The following PAX9 variants were observed in gnomAD, a reference collection of about 807,000 sequenced individuals.
PAX9 encodes paired box protein Pax-9.
A neutral mutation model predicts 29.1 loss-of-function variants in PAX9; 6 were observed. The observed-to-expected ratio is 0.21, with a 90% CI of 0.11 to 0.41. PAX9 has a LOEUF of 0.41. Among genes scored for constraint, PAX9 ranks in the 10% least tolerant of loss-of-function variants. The probability of loss-of-function intolerance (pLI) is 1.00; values close to 1 mark genes in which losing one functional copy is unlikely to be tolerated. For missense variants in PAX9, 443 were observed against 479.1 expected (o/e 0.92, Z 0.70); for synonymous variants, 217 against 211.7 (o/e 1.03, Z -0.22).
intron 3 of PAX9, chr14:36,672,235 C>T (rs1184228036): frequency 6.6e-6 from 1 of 152,084 alleles, no homozygotes; most frequent in African/African-American, 2.4e-5. Flanking sequence ...ATTTACAATC[C>T]AATTAAATAG....
intron 3 of PAX9, chr14:36,672,009 C>T (rs1881706311): frequency 6.6e-6 from 1 of 152,130 alleles, no homozygotes; most frequent in Admixed American, 6.5e-5. Context: ...AGAGAGCACC[C>T]TTGCACAGTT....
Position 36,678,275 on chromosome 14 carries a change from A to T in PAX9, c.*1823A>T. The T allele has an allele frequency of 1.8e-6, 1 of 569,140 alleles. No homozygotes were observed. Among genetic ancestry groups the T allele is most frequent in the South Asian group, 2.4e-5 (1 of 41,382 alleles). The allele number at this position is 569,140 out of a possible 1,614,324, so 35.3% of individuals were successfully genotyped here. On this transcript the variant is annotated 3_prime_UTR_variant, in exon 4 of 4. Coordinates refer to ENST00000361487, the MANE Select transcript of PAX9 (RefSeq NM_001372076.1). Reference sequence around the variant, plus strand: ...ACAGTAAGCAGATTTCTGACACACAAATTATGTTAGAGTGACTGCTTTTTT... The same window carrying T: ...ACAGTAAGCAGATTTCTGACACACATATTATGTTAGAGTGACTGCTTTTTT...
rs535014880 is a variant in PAX9, at chr14:36,669,604, C to T, written c.771+3003C>T. On this transcript the variant is annotated intron_variant, in intron 3 of 3. Coordinates refer to ENST00000361487, the MANE Select transcript of PAX9 (RefSeq NM_001372076.1). ...TTTCTTGAGGACATCTGTAGAATTA[C>T]CAAAGGGCTAAACTATGCAACTGAG... 5.9e-5 allele frequency among the ~76,000 whole-genome samples: 9 copies of T among 152,152 alleles called. 1 individual carries two copies. In the East Asian group the frequency reaches 1.2e-3, roughly 20 times the overall value.
chr14:36,679,143 A>AGAAT lies in PAX9; in HGVS notation c.*2693_*2696dup, dbSNP rs1488381103. On this transcript the variant is annotated 3_prime_UTR_variant, in exon 4 of 4. Coordinates refer to ENST00000361487, the MANE Select transcript of PAX9 (RefSeq NM_001372076.1). ...ATGTAAGAATATTACCTGCAAGGAT[A>AGAAT]GAATGCAGTTGTGCAACAGAGACAC... 3.5e-5 allele frequency: 34 copies of AGAAT among 985,324 alleles called. No individual in the cohort carries two copies. The highest frequency in any genetic ancestry group is 3.9e-5 in the Non-Finnish European group (32 of 829,938). The allele number at this position is 985,324 out of a possible 1,614,324, so 61.0% of individuals were successfully genotyped here.
upstream of PAX9, among the ~76,000 whole-genome samples, chr14:36,659,831 T>G (rs939927010): frequency 3.3e-5 from 5 of 152,166 alleles, no homozygotes; most frequent in African/African-American, 1.2e-4. Context: ...TAACCAGAGC[T>G]CTAAACCATA....
Position 36,676,780 on chromosome 14 carries a change from T to A in PAX9, c.*328T>A, listed in dbSNP as rs886050493. ...GGGTTTAAGGAACTTTACAAACTAG[T>A]CTTTGGTAAAACCACATGTGTATAT... On this transcript the variant is annotated 3_prime_UTR_variant, in exon 4 of 4. Transcript: ENST00000361487. 3 of 362,982 alleles carry A rather than the reference T, an allele frequency of 8.3e-6. No individual in the cohort carries two copies. The highest frequency in any genetic ancestry group is 1.6e-5 in the Non-Finnish European group (3 of 191,738). 22.5% of individuals were successfully genotyped at this position (362,982 alleles called of 1,614,324 possible). A position where few individuals can be genotyped will look rare whatever the true frequency, so the allele number is the denominator to read the frequency against.
Position 36,666,446 on chromosome 14 carries a change from C to G in PAX9, c.632-16C>G, listed in dbSNP as rs1225076456. The G allele has an allele frequency of 1.2e-6, 2 of 1,609,220 alleles. No individual in the cohort carries two copies. Among genetic ancestry groups the G allele is most frequent in the Admixed American group, 1.7e-5 (1 of 59,726 alleles). The stretch of plus-strand genomic sequence containing the variant: ...GGCTGGGCCTCCGGCCTGACACCCT[C>G]TCTTCTCTCCATCAGTGAGCGACAG... On this transcript the variant is annotated splice_polypyrimidine_tract_variant and intron_variant, in intron 2 of 3. Coordinates refer to ENST00000361487, the MANE Select transcript of PAX9 (RefSeq NM_001372076.1).
At chr14:36,662,353 G>T (rs1287735370) in intron 1 of PAX9, among the ~76,000 whole-genome samples, 1 of 152,168 alleles carries the variant, frequency 6.6e-6, no homozygotes, top group Non-Finnish European at 1.5e-5. Flanking sequence ...GCATCAGCGA[G>T]CCCCTCAGCC....
In PAX9 at chr14:36,678,581, T is replaced by TGTCA; in HGVS notation, c.*2130_*2133dup. 1.3e-6 allele frequency: 2 copies of TGTCA among 1,517,234 alleles called. No individual in the cohort carries two copies. The highest frequency in any genetic ancestry group is 1.8e-6 in the Non-Finnish European group (2 of 1,137,634). The allele number at this position is 1,517,234 out of a possible 1,614,324, so 94.0% of individuals were successfully genotyped here. On this transcript the variant is annotated 3_prime_UTR_variant, in exon 4 of 4. Transcript: ENST00000361487. ...AAACCATACCATACAGGGACTCTCC[T>TGTCA]GTCATCTGAAAAACTGATGTAAGGT...
chr14:36,668,413 G>A (rs573865596), intron 3 of PAX9, among the ~76,000 whole-genome samples: 1 of 151,580 alleles, frequency 6.6e-6, no homozygotes, highest in South Asian at 2.1e-4. Context: ...ATTTTGAGAC[G>A]GAGTCTAGCT....
rs181408965 is a variant in PAX9, at chr14:36,676,512, C to A, written c.*60C>A. The A allele has an allele frequency of 3.8e-6, 6 of 1,591,746 alleles. No homozygotes were observed. The highest frequency in any genetic ancestry group is 2.7e-5 in the African/African-American group (2 of 74,682). ...CTCCCTGTCTCAGCACCTCCTCCCCCAATTCCCAGGTCTCACATCCCACCC... is the reference window on the plus strand; with the variant it reads ...CTCCCTGTCTCAGCACCTCCTCCCCAAATTCCCAGGTCTCACATCCCACCC... On this transcript the variant is annotated 3_prime_UTR_variant, in exon 4 of 4. Transcript: ENST00000361487.
At chr14:36,663,757 T>TA (rs1881382519) in intron 2 of PAX9, among the ~76,000 whole-genome samples, 1 of 152,088 alleles carries the variant, frequency 6.6e-6, no homozygotes, top group East Asian at 1.9e-4. Context: ...ACCAGACCCA[T>TA]AACATCCCCC....
chr14:36,676,287 G>T lies in PAX9; in HGVS notation c.861G>T (p.Met287Ile). 6.2e-7 allele frequency: 1 copy of T among 1,614,178 alleles called. No homozygotes were observed. Among genetic ancestry groups the T allele is most frequent in the Non-Finnish European group, 8.5e-7 (1 of 1,180,038 alleles). The change falls in exon 4 of 4, where the codon ATG becomes ATT. Residue 287 changes from methionine (M) to isoleucine (I), a missense_variant. Coordinates refer to ENST00000361487, the MANE Select transcript of PAX9 (RefSeq NM_001372076.1). ...YPTPAQVSPY[M>I]TYSAAPSGYV... ...CCCCAGCCCAAGTGTCGCCTTACAT[G>T]ACCTACAGTGCTGCTCCTTCTGGTT...
In PAX9 at chr14:36,674,946, G is replaced by T. The variant is rs140799474; in HGVS notation, c.772-1252G>T. On this transcript the variant is annotated intron_variant, in intron 3 of 3. Coordinates refer to ENST00000361487, the MANE Select transcript of PAX9 (RefSeq NM_001372076.1). ...CATTGAGAAAATAGTTTTTGAGACCGCACCACTGCATTCTCATAGATGTAG... is the reference window on the plus strand; with the variant it reads ...CATTGAGAAAATAGTTTTTGAGACCTCACCACTGCATTCTCATAGATGTAG... Among the ~76,000 whole-genome samples the T allele has an allele frequency of 1.9e-3, 283 of 152,204 alleles. 2 individuals are homozygous for T. Among genetic ancestry groups the T allele is most frequent in the African/African-American group, 6.3e-3 (263 of 41,532 alleles).
At chr14:36,672,581 T>A (rs1438759873) in intron 3 of PAX9, among the ~76,000 whole-genome samples, 1 of 152,098 alleles carries the variant, frequency 6.6e-6, no homozygotes, top group African/African-American at 2.4e-5. Context: ...CTAAAATGAA[T>A]AAATAATGAA....
chr14:36,662,240 T>C (rs1213286499), intron 1 of PAX9, 147 bp downstream of exon 1: 1 of 955,846 alleles, frequency 1.0e-6, no homozygotes, highest in East Asian at 2.7e-5. Flanking sequence ...CTACAAGTTG[T>C]AGGAACACGC....
intron 1 of PAX9, 151 bp downstream of exon 1, chr14:36,662,244 A>C (rs1881304398): frequency 1.1e-6 from 1 of 946,086 alleles, no homozygotes. Context: ...AAGTTGTAGG[A>C]ACACGCTAAG....
chr14:36,659,844 A>T (rs552776061), upstream of PAX9, among the ~76,000 whole-genome samples: 1 of 152,186 alleles, frequency 6.6e-6, no homozygotes, highest in African/African-American at 2.4e-5. Context: ...AAACCATATC[A>T]GTTTCTGAAC....
At position 36,672,852 on chromosome 14, in the gene PAX9, C is replaced by CTTTTTTTTTTTTTTTTTTTTTTTTTTT. The variant is rs3061562; in HGVS notation, c.772-3342_772-3316dup. On this transcript the variant is annotated intron_variant, in intron 3 of 3. Transcript: ENST00000361487. The stretch of plus-strand genomic sequence containing the variant: ...TTCTTTTTTCTTTCTTTCTTTCTTC[C>CTTTTTTTTTTTTTTTTTTTTTTTTTTT]TTTTTTTTTTTTTTTTTTTTTTTTT... 1.7e-3 allele frequency among the ~76,000 whole-genome samples: 33 copies of CTTTTTTTTTTTTTTTTTTTTTTTTTTT among 19,158 alleles called. 11 individuals carry two copies. Among genetic ancestry groups the CTTTTTTTTTTTTTTTTTTTTTTTTTTT allele is most frequent in the Non-Finnish European group, 1.8e-3 (19 of 10,444 alleles). 12.6% of individuals were successfully genotyped at this position (19,158 alleles called of 152,430 possible).
Sources: gnomAD v4.1 joint callset for allele counts (sites outside exome capture counted in the v4.1 genomes callset) on GRCh38, gnomAD v4.1.1 for gene constraint, MANE v1.5 for transcripts, NCBI Gene and HGNC (gene_info 2026-07-23, HGNC 2026-07-21) for gene names.